The following SGCD variants were observed in gnomAD, a reference collection of about 807,000 sequenced individuals.
SGCD encodes the protein sarcoglycan delta.
SGCD carries 18 observed loss-of-function variants against 36.6 expected under a neutral mutation model. That is an observed-to-expected ratio of 0.49 (90% CI 0.34 to 0.73). The LOEUF (loss-of-function observed/expected upper bound fraction) is 0.73. Ranked by LOEUF, SGCD falls within the 30% of genes least tolerant of loss-of-function variation. The pLI is 0.01. For missense variants in SGCD, 387 were observed against 346.7 expected (o/e 1.12, Z -0.92); for synonymous variants, 133 against 130.6 (o/e 1.02, Z -0.12).
chr5:156,474,730 C>T (rs193059027), intron 3 of SGCD, among the ~76,000 whole-genome samples: 1 of 152,308 alleles, frequency 6.6e-6, no homozygotes. Context: ...AGAAAAAGAA[C>T]CACATAACCC....
rs570200528 is a variant in SGCD, at chr5:156,229,277, C to CATATATATAT, written c.-43-100243_-43-100234dup. ...ACATACATACATATATATATACATA[C>CATATATATAT]ATATATATATATATATATATATAAA... is the stretch of plus-strand genomic sequence containing the variant. On this transcript the variant is annotated intron_variant, in intron 3 of 9. Transcript: ENST00000517913. 1.4e-3 allele frequency among the ~76,000 whole-genome samples: 81 copies of CATATATATAT among 56,390 alleles called. 4 individuals are homozygous for CATATATATAT. The highest frequency in any genetic ancestry group is 2.6e-3 in the African/African-American group (33 of 12,478). The allele number at this position is 56,390 out of a possible 152,430, so 37.0% of individuals were successfully genotyped here.
intron 7 of SGCD, among the ~76,000 whole-genome samples, chr5:156,686,013 C>G (rs1041842158): frequency 1.3e-5 from 2 of 152,066 alleles, no homozygotes; most frequent in Non-Finnish European, 2.9e-5. Context: ...TGCACATATA[C>G]CTCTGAACCT....
chr5:156,033,931 C>G (rs1034185529), intron 1 of SGCD, among the ~76,000 whole-genome samples: 6 of 152,138 alleles, frequency 3.9e-5, no homozygotes, highest in African/African-American at 1.4e-4. Context: ...TCAAACTGTT[C>G]AATGCAAGAC....
chr5:156,568,360 A>C (rs971066703), intron 4 of SGCD, among the ~76,000 whole-genome samples: 1 of 152,192 alleles, frequency 6.6e-6, no homozygotes, highest in Non-Finnish European at 1.5e-5. Context: ...CAGCCTGGGC[A>C]ACAAAGCAAG....
At chr5:156,650,745 T>C (rs1366139420) in intron 7 of SGCD, among the ~76,000 whole-genome samples, 1 of 152,082 alleles carries the variant, frequency 6.6e-6, no homozygotes, top group Non-Finnish European at 1.5e-5. Context: ...CATTGACAGA[T>C]ACCTAGGTTG....
At chr5:155,859,885 C>G in the SGCD span, among the ~76,000 whole-genome samples, 1 of 152,194 alleles carries the variant, frequency 6.6e-6, no homozygotes, top group Non-Finnish European at 1.5e-5. Context: ...CCCTCCAAAT[C>G]CAGGTGATAG....
chr5:156,029,912 A>G (rs1172659098), intron 1 of SGCD, among the ~76,000 whole-genome samples: 1 of 151,970 alleles, frequency 6.6e-6, no homozygotes, highest in Non-Finnish European at 1.5e-5. Flanking sequence ...AATCCTGTCT[A>G]CTCATTAAGC....
the SGCD span, among the ~76,000 whole-genome samples, chr5:155,785,344 A>G: frequency 6.6e-6 from 1 of 152,210 alleles, no homozygotes; most frequent in Non-Finnish European, 1.5e-5. Context: ...TAATATTTCA[A>G]TACCTGTATA....
intron 3 of SGCD, among the ~76,000 whole-genome samples, chr5:156,177,614 A>T (rs887140096): frequency 6.6e-6 from 1 of 152,288 alleles, no homozygotes. Flanking sequence ...GCATCTATTT[A>T]AAGTGTACAA....
chr5:155,811,988 G>A, the SGCD span, among the ~76,000 whole-genome samples: 1 of 152,158 alleles, frequency 6.6e-6, no homozygotes, highest in African/African-American at 2.4e-5. Flanking sequence ...TTCTAACAGA[G>A]CCTTAAAACG....
chr5:156,506,138 A>G (rs550229200), intron 3 of SGCD, among the ~76,000 whole-genome samples: 2 of 152,284 alleles, frequency 1.3e-5, no homozygotes, highest in African/African-American at 4.8e-5. Context: ...ATTAACCATA[A>G]TGTTAGTACA....
At chr5:155,944,284 G>T (rs1307394395) in intron 1 of SGCD, among the ~76,000 whole-genome samples, 2 of 152,052 alleles carry the variant, frequency 1.3e-5, no homozygotes, top group South Asian at 2.1e-4. Flanking sequence ...TTGTATGGGG[G>T]GATAAAAGTA....
chr5:156,379,907 G>A (rs1770885040), intron 3 of SGCD, among the ~76,000 whole-genome samples: 1 of 152,156 alleles, frequency 6.6e-6, no homozygotes, highest in African/African-American at 2.4e-5. Flanking sequence ...AAAAGAAAAA[G>A]CAAAAAATTT....
the SGCD span, among the ~76,000 whole-genome samples, chr5:155,752,455 C>T: frequency 6.6e-6 from 1 of 152,284 alleles, no homozygotes; most frequent in African/African-American, 2.4e-5. Context: ...CTTGGTACCC[C>T]TCCTTACTCA....
chr5:156,423,462 A>G (rs1773519250), intron 3 of SGCD, among the ~76,000 whole-genome samples: 1 of 129,214 alleles, frequency 7.7e-6, no homozygotes, highest in Non-Finnish European at 1.6e-5. Flanking sequence ...ATAATATATT[A>G]ATTAAATAAT....
At chr5:155,851,769 G>A in the SGCD span, among the ~76,000 whole-genome samples, 7 of 152,168 alleles carry the variant, frequency 4.6e-5, no homozygotes, top group Admixed American at 3.9e-4. Context: ...CCACCATCTT[G>A]ATATTTTGGA....
At chr5:155,915,365 A>T (rs1313836819) in intron 1 of SGCD, among the ~76,000 whole-genome samples, 3 of 152,096 alleles carry the variant, frequency 2.0e-5, no homozygotes, top group African/African-American at 7.2e-5. Flanking sequence ...CATTTCCCCC[A>T]TTGAAAACGC....
chr5:156,614,182 T>A (rs757982893), intron 6 of SGCD, among the ~76,000 whole-genome samples: 1 of 152,180 alleles, frequency 6.6e-6, no homozygotes, highest in Non-Finnish European at 1.5e-5. Flanking sequence ...TGGCCTCAAG[T>A]GATCTACCTG....
chr5:156,679,009 A>T (rs1753621729), intron 7 of SGCD, among the ~76,000 whole-genome samples: 1 of 152,182 alleles, frequency 6.6e-6, no homozygotes, highest in Admixed American at 6.5e-5. Context: ...GTCTGTGAAT[A>T]TGGGAGGGAG....
Sources: allele counts gnomAD v4.1 joint callset (sites outside exome capture counted in the v4.1 genomes callset), GRCh38; gene constraint gnomAD v4.1.1; transcripts MANE v1.5; gene names NCBI Gene and HGNC (gene_info 2026-07-23, HGNC 2026-07-21).